Variants in SLC38A8 observed in about 807,000 individuals in gnomAD.
SLC38A8 encodes amino acid transporter SLC38A8.
A neutral mutation model predicts 46.0 loss-of-function variants in SLC38A8; 65 were observed. The observed-to-expected ratio is 1.41, with a 90% confidence interval of 1.16 to 1.74. The LOEUF is 1.74. Ranked by LOEUF, SLC38A8 falls within the 40% of genes most tolerant of loss-of-function variation. The pLI is 0.00. For missense variants in SLC38A8, 998 were observed against 567.9 expected, an observed-to-expected ratio of 1.76 and a Z score of -7.70; for synonymous variants, 447 against 243.7, an observed-to-expected ratio of 1.83 and a Z score of -7.77.
At chr16:84,013,435 T>G (rs867871497) in intron 9 of SLC38A8, among the ~76,000 whole-genome samples, 1,992 of 130,724 alleles carry the variant, frequency 0.015, 63 homozygotes, top group African/African-American at 0.059. Flanking sequence ...TTTTTTTTTT[T>G]TTTTTTTTTT....
chr16:84,035,947 G>T (rs541574824), intron 3 of SLC38A8, among the ~76,000 whole-genome samples: 1 of 152,280 alleles, frequency 6.6e-6, no homozygotes, highest in East Asian at 1.9e-4. Flanking sequence ...TGACCTAATG[G>T]ACATTGCCAG....
At position 84,025,415 on chromosome 16, in the gene SLC38A8, G is replaced by A. The variant is rs557907227; in HGVS notation, c.691-2526C>T. ...GCCAACTCCTCTGCACCCTCCTGGGGAGCCCTCCCGAGTGGGCTGGTTTCC... is the reference window on the plus strand; with the variant it reads ...GCCAACTCCTCTGCACCCTCCTGGGAAGCCCTCCCGAGTGGGCTGGTTTCC... On this transcript the variant is annotated intron_variant, in intron 6 of 10. Coordinates refer to ENST00000299709, the MANE Select transcript of SLC38A8 (RefSeq NM_001080442.3). 2.4e-4 allele frequency among the ~76,000 whole-genome samples: 37 copies of A among 152,300 alleles called. 1 individual carries two copies. In the South Asian group the frequency reaches 7.5e-3, roughly 31 times the overall value.
intron 10 of SLC38A8, among the ~76,000 whole-genome samples, chr16:84,011,399 A>G (rs1374360795): frequency 1.3e-5 from 2 of 152,216 alleles, no homozygotes; most frequent in African/African-American, 4.8e-5. Context: ...GCAGGTTTAG[A>G]AACATCCAGA....
rs1202983662 is a variant in SLC38A8, at chr16:84,036,756, G to A, written c.334C>T (p.Leu112=). ...KLCEACFLLN[L]LMISVAFLRV... is the part of the protein sequence containing the mutation. The stretch of plus-strand genomic sequence containing the variant: ...AGGAAGGCCACGGAGATCATGAGCA[G>A]GTTGAGGAGGAAGCAGGCCTCACAC... Residue 112 remains leucine, a synonymous_variant, in exon 3 of 11, where the codon CTG becomes TTG. Transcript: ENST00000299709. 1 of 1,614,224 alleles carries A rather than the reference G, an allele frequency of 6.2e-7. No homozygotes were observed. The highest frequency in any genetic ancestry group is 8.5e-7 in the Non-Finnish European group (1 of 1,180,048).
chr16:84,039,748 A>C (rs1232451562), intron 2 of SLC38A8, among the ~76,000 whole-genome samples: 194 of 102,478 alleles, frequency 1.9e-3, no homozygotes, highest in African/African-American at 5.4e-3. Flanking sequence ...ACCTTCAAAA[A>C]AAAAAAAAAA....
rs767859391 is a variant in SLC38A8 at position 84,009,841 on chromosome 16, C to G, written c.1251G>C (p.Leu417=). 2.5e-6 allele frequency: 4 copies of G among 1,614,100 alleles called. No individual in the cohort carries two copies. Among genetic ancestry groups the G allele is most frequent in the Non-Finnish European group, 3.4e-6 (4 of 1,180,018 alleles). The part of the protein sequence containing the change: ...CLEVWGVVSV[L]VGTFIFGQST... ...TCTGCCCAAAGATGAAGGTGCCGACCAGCACAGAGACCACTCCCCAGACCT... is the reference window on the plus strand; with the variant it reads ...TCTGCCCAAAGATGAAGGTGCCGACGAGCACAGAGACCACTCCCCAGACCT... The change falls in exon 11 of 11, where the codon CTG becomes CTC. Residue 417 remains leucine (L), a synonymous_variant. Coordinates refer to ENST00000299709, the MANE Select transcript of SLC38A8 (RefSeq NM_001080442.3).
intron 10 of SLC38A8, among the ~76,000 whole-genome samples, chr16:84,011,705 T>C (rs1014484036): frequency 1.3e-5 from 2 of 152,144 alleles, no homozygotes; most frequent in Admixed American, 6.5e-5. Context: ...TGGACCCTAA[T>C]CTGATGGTAG....
Position 84,012,418 on chromosome 16 carries a change from G to A in SLC38A8, c.1214+583C>T, listed in dbSNP as rs2084965234. On this transcript the variant is annotated intron_variant, in intron 10 of 10. Coordinates refer to ENST00000299709, the MANE Select transcript of SLC38A8 (RefSeq NM_001080442.3). ...AGATCCAAATTATCTGGTCTCAACAGCATTGTATGCCAGGCAGGTGGGTTA... is the reference window on the plus strand; with the variant it reads ...AGATCCAAATTATCTGGTCTCAACAACATTGTATGCCAGGCAGGTGGGTTA... Among the ~76,000 whole-genome samples the A allele has an allele frequency of 2.6e-5, 4 of 152,330 alleles. No homozygotes were observed. In the South Asian group the frequency reaches 8.3e-4, roughly 32 times the overall value.
chr16:84,025,230 C>T (rs1289468123), intron 6 of SLC38A8, among the ~76,000 whole-genome samples: 1 of 152,140 alleles, frequency 6.6e-6, no homozygotes, highest in African/African-American at 2.4e-5. Context: ...ACCATCACAC[C>T]CACTCTCTCA....
intron 6 of SLC38A8, 91 bp downstream of exon 6, chr16:84,029,403 C>G (rs1311913266): frequency 2.1e-6 from 3 of 1,417,742 alleles, no homozygotes; most frequent in African/African-American, 2.8e-5. Flanking sequence ...AGACGCCTCC[C>G]TGACAGAGAA....
intron 9 of SLC38A8, among the ~76,000 whole-genome samples, chr16:84,015,863 G>A (rs146646341): frequency 9.2e-5 from 14 of 152,300 alleles, no homozygotes; most frequent in African/African-American, 3.1e-4. Flanking sequence ...ACACCACCAT[G>A]GATGGCTAAT....
chr16:84,020,332 G>A (rs775537605), intron 7 of SLC38A8, among the ~76,000 whole-genome samples: 2 of 152,138 alleles, frequency 1.3e-5, no homozygotes, highest in Non-Finnish European at 2.9e-5. Flanking sequence ...TTTTTGTAGA[G>A]ACAGGGTCTC....
In SLC38A8 at chr16:84,042,746, C is replaced by G. The variant is rs1292188292; in HGVS notation, c.-198G>C. On this transcript the variant is annotated 5_prime_UTR_variant, in exon 1 of 11. Coordinates refer to ENST00000299709, the MANE Select transcript of SLC38A8 (RefSeq NM_001080442.3). The stretch of plus-strand genomic sequence containing the variant: ...TGTGTCAGGGTCAGGCCCCTCCACA[C>G]CTAAGAGGACAGCAACAAGTGGTCA... 6.6e-6 allele frequency: 1 copy of G among 152,664 alleles called. No homozygotes were observed. Among genetic ancestry groups the G allele is most frequent in the Non-Finnish European group, 1.5e-5 (1 of 68,396 alleles). The allele number at this position is 152,664 out of a possible 1,614,324, so 9.5% of individuals were successfully genotyped here.
chr16:84,012,145 C>G (rs549738508), intron 10 of SLC38A8, among the ~76,000 whole-genome samples: 16 of 152,306 alleles, frequency 1.1e-4, no homozygotes, highest in African/African-American at 3.4e-4. Flanking sequence ...TAATTTGTTA[C>G]AATAACCCCA....
In SLC38A8 at chr16:84,009,692, G is replaced by C. The variant is rs1016234591; in HGVS notation, c.*92C>G. ...TCAGTCTCTCCAGCATCTTTATGAG[G>C]AAAAGAAATGGCATCGGTCTCCTGG... On this transcript the variant is annotated 3_prime_UTR_variant, in exon 11 of 11. Transcript: ENST00000299709. 7.3e-6 allele frequency: 8 copies of C among 1,095,936 alleles called. No individual in the cohort carries two copies. Among genetic ancestry groups the C allele is most frequent in the Non-Finnish European group, 1.0e-5 (8 of 764,006 alleles). The allele number at this position is 1,095,936 out of a possible 1,614,324, so 67.9% of individuals were successfully genotyped here.
At chr16:84,022,708 C>A (rs768622496) in intron 7 of SLC38A8, 67 bp downstream of exon 7, 1 of 1,208,896 alleles carries the variant, frequency 8.3e-7, no homozygotes, top group Non-Finnish European at 1.2e-6. Context: ...TAGAGAGATA[C>A]TCGCTGTTAC....
chr16:84,012,447 TGGGGCCTGGGAGCCA>T (rs959684537), intron 10 of SLC38A8, among the ~76,000 whole-genome samples: 59 of 152,334 alleles, frequency 3.9e-4, no homozygotes, highest in African/African-American at 1.4e-3. Context: ...TGGGTTAGCA[TGGGGCCTGGGAGCCA>T]GGGGCCTGGG....
chr16:84,037,276 G>A (rs1241830886), intron 2 of SLC38A8, among the ~76,000 whole-genome samples: 1 of 152,248 alleles, frequency 6.6e-6, no homozygotes, highest in African/African-American at 2.4e-5. Flanking sequence ...GGAACCCGAG[G>A]TGGAGCGGGC....
intron 10 of SLC38A8, among the ~76,000 whole-genome samples, chr16:84,010,133 C>T (rs187748541): frequency 3.7e-4 from 51 of 136,664 alleles, no homozygotes; most frequent in Non-Finnish European, 6.0e-4. Context: ...TGCAGTGGCA[C>T]GATCTCGGCT....
Sources: gnomAD v4.1 joint callset for allele counts (sites outside exome capture counted in the v4.1 genomes callset) on GRCh38, gnomAD v4.1.1 for gene constraint, MANE v1.5 for transcripts, NCBI Gene and HGNC (gene_info 2026-07-23, HGNC 2026-07-21) for gene names.